The following KCND2 variants were observed in gnomAD, a reference collection of about 807,000 sequenced individuals.
KCND2 encodes the protein A-type voltage-gated potassium channel KCND2.
A neutral mutation model predicts 54.4 loss-of-function variants in KCND2; 16 were observed. The observed-to-expected ratio is 0.29, with a 90% CI of 0.20 to 0.45. The LOEUF (loss-of-function observed/expected upper bound fraction) is 0.45. KCND2 is among the 20% of genes least tolerant of loss of function. The pLI is 1.00. For missense variants in KCND2, 486 were observed against 824.2 expected (o/e 0.59, Z 5.02); for synonymous variants, 317 against 310.7 (o/e 1.02, Z -0.21).
At chr7:120,466,526 C>T (rs1302197912) in intron 1 of KCND2, among the ~76,000 whole-genome samples, 1 of 152,032 alleles carries the variant, frequency 6.6e-6, no homozygotes, top group East Asian at 1.9e-4. Flanking sequence ...TTCTTGCAAG[C>T]CTTTCTTGCC....
intron 1 of KCND2, among the ~76,000 whole-genome samples, chr7:120,344,448 T>G (rs1054936714): frequency 6.6e-6 from 1 of 152,156 alleles, no homozygotes. Flanking sequence ...TAGCCTCATA[T>G]TGCATATTTT....
At chr7:120,585,865 T>C (rs1792593565) in intron 1 of KCND2, among the ~76,000 whole-genome samples, 1 of 152,146 alleles carries the variant, frequency 6.6e-6, no homozygotes, top group Non-Finnish European at 1.5e-5. Context: ...TCTTTCCTGG[T>C]GTCTGTGAGC....
chr7:120,657,784 G>C (rs182424579), intron 1 of KCND2, among the ~76,000 whole-genome samples: 1 of 152,150 alleles, frequency 6.6e-6, no homozygotes, highest in East Asian at 1.9e-4. Flanking sequence ...GGAGGTCGAG[G>C]CTGCAGTGAG....
intron 1 of KCND2, among the ~76,000 whole-genome samples, chr7:120,304,320 C>A (rs1475500781): frequency 2.0e-5 from 3 of 152,078 alleles, no homozygotes; most frequent in Non-Finnish European, 4.4e-5. Context: ...ATACAGCACA[C>A]AGAATATGTA....
intron 1 of KCND2, among the ~76,000 whole-genome samples, chr7:120,400,057 G>A (rs1481804566): frequency 6.6e-6 from 1 of 152,014 alleles, no homozygotes; most frequent in East Asian, 1.9e-4. Context: ...AAATTTCAGT[G>A]ACATTGTGTC....
At chr7:120,524,096 G>A (rs1791740235) in intron 1 of KCND2, among the ~76,000 whole-genome samples, 2 of 151,868 alleles carry the variant, frequency 1.3e-5, no homozygotes, top group Admixed American at 6.6e-5. Context: ...TTAGTTGGGC[G>A]TGGTGGGATG....
intron 1 of KCND2, among the ~76,000 whole-genome samples, chr7:120,350,580 G>A (rs950697276): frequency 1.3e-5 from 2 of 152,156 alleles, no homozygotes. Flanking sequence ...AATAAAGATG[G>A]AAAAGTTGAT....
At chr7:120,389,397 C>G (rs1293550348) in intron 1 of KCND2, among the ~76,000 whole-genome samples, 2 of 151,792 alleles carry the variant, frequency 1.3e-5, no homozygotes, top group Non-Finnish European at 2.9e-5. Context: ...AATCCACTCT[C>G]TTAGGAAATT....
chr7:120,684,325 A>C (rs1270789559), intron 1 of KCND2, among the ~76,000 whole-genome samples: 5 of 152,176 alleles, frequency 3.3e-5, no homozygotes, highest in African/African-American at 9.7e-5. Context: ...ACGTAATTAG[A>C]AGTTATTTTC....
intron 1 of KCND2, among the ~76,000 whole-genome samples, chr7:120,464,382 T>C (rs570539243): frequency 6.6e-6 from 1 of 152,272 alleles, no homozygotes; most frequent in Non-Finnish European, 1.5e-5. Context: ...AAGCTAATGG[T>C]TGAAGAAGCA....
intron 1 of KCND2, among the ~76,000 whole-genome samples, chr7:120,670,018 G>A (rs553453205): frequency 1.3e-5 from 2 of 152,080 alleles, no homozygotes; most frequent in Admixed American, 1.3e-4. Flanking sequence ...AACTTAGAGG[G>A]GGTGAGGGAT....
chr7:120,673,303 A>G (rs532862222), intron 1 of KCND2, among the ~76,000 whole-genome samples: 15 of 152,244 alleles, frequency 9.9e-5, no homozygotes, highest in African/African-American at 3.6e-4. Flanking sequence ...CCTCAATACA[A>G]AAGCATTCTA....
intron 1 of KCND2, among the ~76,000 whole-genome samples, chr7:120,673,179 C>T (rs530454233): frequency 1.3e-5 from 2 of 152,184 alleles, no homozygotes; most frequent in African/African-American, 2.4e-5. Context: ...TTGGACTTCT[C>T]GTCTCCAGAG....
chr7:120,457,503 C>A (rs940335642), intron 1 of KCND2, among the ~76,000 whole-genome samples: 3 of 152,176 alleles, frequency 2.0e-5, no homozygotes, highest in Non-Finnish European at 4.4e-5. Flanking sequence ...AGTCTCTTTG[C>A]TAAAGCACAG....
intron 1 of KCND2, among the ~76,000 whole-genome samples, chr7:120,722,303 G>T (rs543813449): frequency 1.3e-5 from 2 of 152,252 alleles, no homozygotes; most frequent in African/African-American, 4.8e-5. Flanking sequence ...GCCTTTCTGA[G>T]TGAGAACACC....
At chr7:120,601,172 G>A (rs1043674582) in intron 1 of KCND2, among the ~76,000 whole-genome samples, 7 of 152,086 alleles carry the variant, frequency 4.6e-5, no homozygotes, top group African/African-American at 1.4e-4. Flanking sequence ...CCAGAGGGGT[G>A]ATTAGATATA....
chr7:120,456,275 G>A (rs1252813466), intron 1 of KCND2, among the ~76,000 whole-genome samples: 1 of 152,124 alleles, frequency 6.6e-6, no homozygotes, highest in Non-Finnish European at 1.5e-5. Flanking sequence ...AGGTAGGTGG[G>A]TGACATTGGG....
chr7:120,611,345 T>C (rs1482014902), intron 1 of KCND2, among the ~76,000 whole-genome samples: 1 of 152,212 alleles, frequency 6.6e-6, no homozygotes, highest in Admixed American at 6.5e-5. Context: ...ATCTCAGGTG[T>C]TGGGACATGA....
At chr7:120,349,327 A>G (rs62470540) in intron 1 of KCND2, among the ~76,000 whole-genome samples, 1 of 144,466 alleles carries the variant, frequency 6.9e-6, no homozygotes, top group African/African-American at 2.6e-5. Flanking sequence ...CACACACACA[A>G]ACACACACAC....
Sources: allele counts gnomAD v4.1 joint callset (sites outside exome capture counted in the v4.1 genomes callset), GRCh38; gene constraint gnomAD v4.1.1; transcripts MANE v1.5; gene names NCBI Gene and HGNC (gene_info 2026-07-23, HGNC 2026-07-21).